ZNF705G: variants seen among roughly 807,000 people sequenced by gnomAD.
ZNF705G encodes zinc finger protein 705G, also known as putative zinc finger protein 705G.
Under a neutral mutation model 19.6 loss-of-function variants are expected in ZNF705G, and 23 were observed. The observed-to-expected ratio is 1.17, with a 90% CI of 0.84 to 1.66. The LOEUF (loss-of-function observed/expected upper bound fraction) is 1.66, where lower values mean the gene tolerates loss of function less well. Among genes scored for constraint, ZNF705G ranks in the 40% most tolerant of loss-of-function variants. The probability of loss-of-function intolerance (pLI) is 0.00; values close to 1 mark genes in which losing one functional copy is unlikely to be tolerated. For synonymous variants in ZNF705G, 146 were observed against 117.7 expected, an observed-to-expected ratio of 1.24 and a Z score of -1.56; for missense variants, 457 against 354.4, an observed-to-expected ratio of 1.29 and a Z score of -2.32.
At chr8:7,379,016 T>C (rs552154570) in intron 2 of ZNF705G, among the ~76,000 whole-genome samples, 2,619 of 150,046 alleles carry the variant, frequency 0.017, 24 homozygotes, top group African/African-American at 0.061. Context: ...GACACAACTT[T>C]AGTGGCTTTG....
intron 3 of ZNF705G, 98 bp from the exon 4 acceptor site, chr8:7,361,334 A>G: frequency 6.3e-7 from 1 of 1,584,482 alleles, no homozygotes; most frequent in South Asian, 1.1e-5. Context: ...GGGTATGCAG[A>G]ATACTCAGTG....
At position 7,357,823 on chromosome 8, in the gene ZNF705G, G is replaced by A. The variant is rs752742852; in HGVS notation, c.*153C>T. The A allele has an allele frequency of 2.3e-5, 27 of 1,190,034 alleles. No individual in the cohort carries two copies. The highest frequency in any genetic ancestry group is 8.4e-5 in the Admixed American group (3 of 35,700). 73.7% of individuals were successfully genotyped at this position (1,190,034 alleles called of 1,614,324 possible). On this transcript the variant is annotated 3_prime_UTR_variant, in exon 7 of 7. Transcript: ENST00000400156. ...CCTTACCTTTGTCATTCCTAACACCGTGTCATCTAAAGTCAGAATATGTTC... is the reference window on the plus strand; with the variant it reads ...CCTTACCTTTGTCATTCCTAACACCATGTCATCTAAAGTCAGAATATGTTC...
At position 7,369,188 on chromosome 8, in the gene ZNF705G, A is replaced by G. The variant is rs1286259694; in HGVS notation, c.-71-6171T>C. ...AGTTATCGCCACTGGGTCACCCCAC[A>G]ACATGTGGGAATTATGGGAGTAAAA... is the stretch of plus-strand genomic sequence containing the variant. On this transcript the variant is annotated intron_variant, in intron 2 of 6. Coordinates refer to ENST00000400156, the MANE Select transcript of ZNF705G (RefSeq NM_001164457.3). Among the ~76,000 whole-genome samples, 2 of 149,502 alleles carry G rather than the reference A, an allele frequency of 1.3e-5. 1 individual carries two copies.
chr8:7,368,913 G>T (rs1015820599), intron 2 of ZNF705G, among the ~76,000 whole-genome samples: 1 of 149,666 alleles, frequency 6.7e-6, no homozygotes, highest in African/African-American at 2.6e-5. Context: ...AGGTGCACAA[G>T]GTACAGGAGT....
Position 7,357,761 on chromosome 8 carries a change from T to C in ZNF705G, c.*215A>G. On this transcript the variant is annotated 3_prime_UTR_variant, in exon 7 of 7. Transcript: ENST00000400156. ...CAAAATGTGAGTCCTTTGGCATGTT[T>C]AGATGCTACAACTACAGCTGAAGTC... The C allele has an allele frequency of 1.2e-6, 1 of 825,672 alleles. No homozygotes were observed. The highest frequency in any genetic ancestry group is 1.8e-6 in the Non-Finnish European group (1 of 552,590). The allele number at this position is 825,672 out of a possible 1,614,324, so 51.1% of individuals were successfully genotyped here. A position where few individuals can be genotyped will look rare whatever the true frequency, so the allele number is the denominator to read the frequency against.
chr8:7,355,673 C>G lies in ZNF705G; in HGVS notation c.*2303G>C, dbSNP rs1806181415. 1 of 149,718 alleles carries G rather than the reference C, an allele frequency of 6.7e-6. No individual in the cohort carries two copies. Among genetic ancestry groups the G allele is most frequent in the Admixed American group, 6.6e-5 (1 of 15,252 alleles). 9.3% of individuals were successfully genotyped at this position (149,718 alleles called of 1,614,324 possible). On this transcript the variant is annotated 3_prime_UTR_variant, in exon 7 of 7. Coordinates refer to ENST00000400156, the MANE Select transcript of ZNF705G (RefSeq NM_001164457.3). Reference sequence around the variant, plus strand: ...TTTAATAATGGCTGGAGATCTGCCACCATGCATTTGTCAAATCCCATAGAA... The same window carrying G: ...TTTAATAATGGCTGGAGATCTGCCAGCATGCATTTGTCAAATCCCATAGAA...
chr8:7,374,169 G>C (rs1425839212), intron 2 of ZNF705G, among the ~76,000 whole-genome samples: 1 of 107,376 alleles, frequency 9.3e-6, no homozygotes, highest in Non-Finnish European at 1.9e-5. Flanking sequence ...CTGAAAAAAG[G>C]TGATACCATA....
At chr8:7,374,222 CAT>C (rs1807180554) in intron 2 of ZNF705G, among the ~76,000 whole-genome samples, 1 of 93,412 alleles carries the variant, frequency 1.1e-5, no homozygotes, top group African/African-American at 4.6e-5. Flanking sequence ...CGGGGACTGA[CAT>C]AAGATTATTA....
chr8:7,368,381 C>G (rs537326652), intron 2 of ZNF705G, among the ~76,000 whole-genome samples: 2 of 149,396 alleles, frequency 1.3e-5, no homozygotes, highest in African/African-American at 5.1e-5. Flanking sequence ...CAACAAGAAA[C>G]CAGACAAACT....
At chr8:7,368,174 A>G (rs1281901951) in intron 2 of ZNF705G, among the ~76,000 whole-genome samples, 1 of 149,630 alleles carries the variant, frequency 6.7e-6, no homozygotes, top group Non-Finnish European at 1.5e-5. Context: ...AATCTAATCA[A>G]AAACTTCATT....
chr8:7,364,655 C>T (rs1308232691), intron 2 of ZNF705G, among the ~76,000 whole-genome samples: 3 of 149,666 alleles, frequency 2.0e-5, no homozygotes, highest in Non-Finnish European at 4.4e-5. Flanking sequence ...ACCCCAGGTC[C>T]CAAACATCAT....
At chr8:7,362,146 G>T (rs1806631644) in intron 3 of ZNF705G, among the ~76,000 whole-genome samples, 1 of 149,184 alleles carries the variant, frequency 6.7e-6, no homozygotes, top group African/African-American at 2.6e-5. Flanking sequence ...TTTCTAACCA[G>T]CCCTTATAAA....
chr8:7,383,700 G>T (rs1235866436), intron 1 of ZNF705G, among the ~76,000 whole-genome samples: 4 of 149,302 alleles, frequency 2.7e-5, no homozygotes, highest in African/African-American at 1.0e-4. Flanking sequence ...CTTGTGATGG[G>T]ATTGCTGCCC....
At chr8:7,367,583 T>C (rs1231687189) in intron 2 of ZNF705G, among the ~76,000 whole-genome samples, 1 of 149,466 alleles carries the variant, frequency 6.7e-6, no homozygotes, top group Non-Finnish European at 1.5e-5. Context: ...CCGGAAACTC[T>C]CCCTAAAGGA....
intron 1 of ZNF705G, 47 bp from the exon 2 acceptor site, chr8:7,381,648 A>T (rs1386813298): frequency 8.1e-5 from 12 of 147,850 alleles, no homozygotes; most frequent in Admixed American, 2.6e-4. Flanking sequence ...CAGGAATAGA[A>T]AACCAAATAT....
intron 2 of ZNF705G, among the ~76,000 whole-genome samples, chr8:7,364,677 T>A (rs766801031): frequency 6.7e-6 from 1 of 149,698 alleles, no homozygotes; most frequent in Non-Finnish European, 1.5e-5. Flanking sequence ...GTGTCTATTT[T>A]TACTGCCACA....
chr8:7,371,190 G>A (rs1476296143), intron 2 of ZNF705G, among the ~76,000 whole-genome samples: 2 of 129,416 alleles, frequency 1.5e-5, no homozygotes, highest in South Asian at 5.5e-4. Flanking sequence ...GAGGGCATTA[G>A]GTTATATGAA....
chr8:7,360,241 A>T lies in ZNF705G; in HGVS notation c.231T>A (p.Asn77Lys). The T allele has an allele frequency of 1.9e-6, 3 of 1,592,240 alleles. No individual in the cohort carries two copies. Among genetic ancestry groups the T allele is most frequent in the Non-Finnish European group, 2.5e-6 (3 of 1,179,120 alleles). Reference protein sequence around the residue: ...REGRVFLQDQNPNRESALKKT... With the variant: ...REGRVFLQDQKPNRESALKKT... The stretch of plus-strand genomic sequence containing the variant: ...GCACAGGACCCTGTTGCTTACTTGG[A>T]TTCTGGTCTTGAAGAAATACTCTTC... Residue 77 changes from asparagine to lysine, a missense_variant, in exon 5 of 7, where the codon AAT (asparagine) becomes AAA (lysine). Coordinates refer to ENST00000400156, the MANE Select transcript of ZNF705G (RefSeq NM_001164457.3).
At chr8:7,385,253 T>C (rs1358306276) in intron 1 of ZNF705G, among the ~76,000 whole-genome samples, 1 of 149,324 alleles carries the variant, frequency 6.7e-6, no homozygotes, top group East Asian at 1.9e-4. Context: ...TTCTTAATAC[T>C]ATTGCATTGG....
Sources: allele counts gnomAD v4.1 joint callset (sites outside exome capture counted in the v4.1 genomes callset), GRCh38; gene constraint gnomAD v4.1.1; transcripts MANE v1.5; gene names NCBI Gene and HGNC (gene_info 2026-07-23, HGNC 2026-07-21).